NOX4: variants seen among roughly 807,000 people sequenced by gnomAD.
NOX4 encodes kidney oxidase-1.
In NOX4, 69 loss-of-function variants were observed where a neutral mutation model predicts 87.6. The ratio of observed to expected loss-of-function variants is 0.79; its 90% CI spans 0.65 to 0.96. The LOEUF (loss-of-function observed/expected upper bound fraction) is 0.96. Ranked by LOEUF, NOX4 falls within the 40% of genes least tolerant of loss-of-function variation. NOX4 has a pLI of 0.00. For missense variants in NOX4, 680 were observed against 681.5 expected (o/e 1.00, Z 0.02); for synonymous variants, 275 against 238.2 (o/e 1.15, Z -1.42).
At chr11:89,474,753 TATC>T (rs1352284118) in intron 2 of NOX4, among the ~76,000 whole-genome samples, 4 of 152,020 alleles carry the variant, frequency 2.6e-5, no homozygotes, top group African/African-American at 9.7e-5. Context: ...TTTTCTATTG[TATC>T]ATCAGTGTTT....
the NOX4 span, among the ~76,000 whole-genome samples, chr11:89,508,744 C>T: frequency 1.6e-3 from 247 of 152,134 alleles, 1 homozygote; most frequent in Non-Finnish European, 2.6e-3. Flanking sequence ...TGCTGTGTTA[C>T]GTAGTGCTCA....
At chr11:89,567,678 A>ACCACTCCCATGATCTAAT in the NOX4 span, among the ~76,000 whole-genome samples, 1 of 152,152 alleles carries the variant, frequency 6.6e-6, no homozygotes, top group South Asian at 2.1e-4. Context: ...GCATGGGGGA[A>ACCACTCCCATGATCTAAT]CCACTCCCAT....
At chr11:89,380,666 T>A (rs1173330513) in intron 11 of NOX4, among the ~76,000 whole-genome samples, 1 of 152,148 alleles carries the variant, frequency 6.6e-6, no homozygotes, top group East Asian at 1.9e-4. Context: ...TAGACTCTTA[T>A]TAGACACTAA....
At chr11:89,479,409 A>G (rs1946299866) in intron 2 of NOX4, among the ~76,000 whole-genome samples, 1 of 152,216 alleles carries the variant, frequency 6.6e-6, no homozygotes, top group South Asian at 2.1e-4. Context: ...TTGATCATAA[A>G]GAAAAGAGAT....
chr11:89,553,772 G>GA, the NOX4 span, among the ~76,000 whole-genome samples: 5 of 151,922 alleles, frequency 3.3e-5, no homozygotes, highest in Admixed American at 2.6e-4. Flanking sequence ...ACTAGTCTTC[G>GA]AGTAAGAGGG....
At chr11:89,582,772 C>T in the NOX4 span, among the ~76,000 whole-genome samples, 1 of 152,138 alleles carries the variant, frequency 6.6e-6, no homozygotes, top group Non-Finnish European at 1.5e-5. Context: ...GTCCTTCAGG[C>T]GTTTCTCCTG....
the NOX4 span, among the ~76,000 whole-genome samples, chr11:89,520,481 A>T: frequency 0.12 from 18,703 of 152,074 alleles, 1,445 homozygotes; most frequent in Admixed American, 0.24. Flanking sequence ...GAAGATGTTT[A>T]AAAAAGCTAA....
intron 7 of NOX4, among the ~76,000 whole-genome samples, chr11:89,427,814 A>G (rs1943525589): frequency 6.6e-6 from 1 of 152,212 alleles, no homozygotes; most frequent in African/African-American, 2.4e-5. Flanking sequence ...TATCCAGGAG[A>G]ACTTCCCCAA....
the NOX4 span, among the ~76,000 whole-genome samples, chr11:89,570,573 G>A: frequency 0.015 from 2,342 of 152,280 alleles, 48 homozygotes; most frequent in African/African-American, 0.049. Context: ...TGTGGCTTAT[G>A]ACTAATCCCA....
the NOX4 span, among the ~76,000 whole-genome samples, chr11:89,511,677 A>G: frequency 2.0e-5 from 3 of 152,144 alleles, no homozygotes; most frequent in South Asian, 6.2e-4. Context: ...TTGAAGCCAA[A>G]GTGGAAGCTT....
intron 11 of NOX4, among the ~76,000 whole-genome samples, chr11:89,375,005 G>C (rs955469933): frequency 2.0e-5 from 3 of 152,080 alleles, no homozygotes; most frequent in African/African-American, 7.2e-5. Context: ...AGGAACGGTA[G>C]CCTGAAAAAT....
chr11:89,455,744 A>ATATATATATATATATATG (rs1163284365), intron 2 of NOX4, among the ~76,000 whole-genome samples: 9 of 146,950 alleles, frequency 6.1e-5, no homozygotes, highest in Admixed American at 2.7e-4. Flanking sequence ...ATATATATAT[A>ATATATATATATATATATG]TGAAACAAAA....
At chr11:89,442,018 T>C (rs2135358196) in intron 5 of NOX4, among the ~76,000 whole-genome samples, 1 of 147,876 alleles carries the variant, frequency 6.8e-6, no homozygotes, top group East Asian at 2.0e-4. Context: ...CTATATATAA[T>C]AGATATGCCA....
intron 2 of NOX4, among the ~76,000 whole-genome samples, chr11:89,472,219 C>T (rs914728931): frequency 6.6e-6 from 1 of 152,058 alleles, no homozygotes; most frequent in Non-Finnish European, 1.5e-5. Context: ...TAACCAAAAG[C>T]TCATGTATGT....
At chr11:89,461,647 AAAAT>A (rs60340385) in intron 2 of NOX4, among the ~76,000 whole-genome samples, 8 of 145,634 alleles carry the variant, frequency 5.5e-5, no homozygotes, top group African/African-American at 1.8e-4. Context: ...TCCATCTCAA[AAAAT>A]AAATAAATAA....
chr11:89,455,672 ATGAAG>A (rs1362932524), intron 2 of NOX4, among the ~76,000 whole-genome samples: 1 of 151,178 alleles, frequency 6.6e-6, no homozygotes, highest in African/African-American at 2.4e-5. Flanking sequence ...GGAAAATATT[ATGAAG>A]TGGTCACTGA....
the NOX4 span, among the ~76,000 whole-genome samples, chr11:89,515,280 G>A: frequency 2.2e-4 from 34 of 151,940 alleles, no homozygotes; most frequent in African/African-American, 7.0e-4. Flanking sequence ...TTTTTTTAGC[G>A]TGAGTTTTTT....
the NOX4 span, among the ~76,000 whole-genome samples, chr11:89,507,862 T>A: frequency 6.6e-6 from 1 of 151,556 alleles, no homozygotes; most frequent in Non-Finnish European, 1.5e-5. Flanking sequence ...TTTAAAAACG[T>A]AAGAATTTCT....
At chr11:89,432,078 A>G (rs1406440740) in intron 7 of NOX4, among the ~76,000 whole-genome samples, 2 of 152,048 alleles carry the variant, frequency 1.3e-5, no homozygotes, top group South Asian at 4.1e-4. Flanking sequence ...GGAAACCAAC[A>G]TTCTCAGCAA....
Sources: allele counts gnomAD v4.1 joint callset (sites outside exome capture counted in the v4.1 genomes callset), GRCh38; gene constraint gnomAD v4.1.1; transcripts MANE v1.5; gene names NCBI Gene and HGNC (gene_info 2026-07-23, HGNC 2026-07-21).